The following TBC1D1 variants were observed in gnomAD, a reference collection of about 807,000 sequenced individuals.
TBC1D1 encodes TBC1 (tre-2/USP6, BUB2, cdc16) domain family, member 1.
In TBC1D1, 89 loss-of-function variants were observed where a neutral mutation model predicts 125.6. The ratio of observed to expected loss-of-function variants is 0.71; its 90% CI spans 0.60 to 0.85. TBC1D1 has a LOEUF of 0.85. Ranked by LOEUF, TBC1D1 falls within the 40% of genes least tolerant of loss-of-function variation. TBC1D1 has a pLI of 0.00. For missense variants in TBC1D1, 1,377 were observed against 1,469.2 expected, an observed-to-expected ratio of 0.94 and a Z score of 1.03; for synonymous variants, 565 against 564.1, an observed-to-expected ratio of 1.00 and a Z score of -0.02.
At chr4:38,043,943 A>G (rs747270707) in intron 8 of TBC1D1, among the ~76,000 whole-genome samples, 41 of 152,322 alleles carry the variant, frequency 2.7e-4, no homozygotes, top group Non-Finnish European at 5.7e-4. Flanking sequence ...CGCTGTGTTC[A>G]ATGTTTTACA....
intron 1 of TBC1D1, among the ~76,000 whole-genome samples, chr4:37,893,025 A>C (rs6531595): frequency 0.79 from 120,589 of 152,092 alleles, 48,037 homozygotes; most frequent in East Asian, 0.99. Context: ...CTAGGATGTA[A>C]CCCTGGCAAG....
chr4:37,976,209 G>A (rs1196632605), intron 2 of TBC1D1, among the ~76,000 whole-genome samples: 2 of 152,206 alleles, frequency 1.3e-5, no homozygotes, highest in Admixed American at 6.5e-5. Context: ...GAGTCCAGCA[G>A]CTTGCGAGGA....
chr4:37,918,933 A>T (rs1232149824), intron 2 of TBC1D1, among the ~76,000 whole-genome samples: 2 of 152,194 alleles, frequency 1.3e-5, no homozygotes, highest in Non-Finnish European at 2.9e-5. Flanking sequence ...CATTAGCATA[A>T]TTCAACATAA....
chr4:37,905,650 G>T (rs1717150562), intron 2 of TBC1D1, among the ~76,000 whole-genome samples: 1 of 152,200 alleles, frequency 6.6e-6, no homozygotes, highest in Admixed American at 6.5e-5. Flanking sequence ...ATGATAAACA[G>T]ATGTTATCAT....
At chr4:38,009,641 A>G (rs1233921091) in intron 2 of TBC1D1, among the ~76,000 whole-genome samples, 1 of 152,248 alleles carries the variant, frequency 6.6e-6, no homozygotes, top group African/African-American at 2.4e-5. Context: ...TTATCTGGCT[A>G]CATATGAAAC....
intron 2 of TBC1D1, among the ~76,000 whole-genome samples, chr4:38,004,638 A>T (rs910488913): frequency 6.6e-6 from 1 of 152,128 alleles, no homozygotes; most frequent in Non-Finnish European, 1.5e-5. Context: ...CGATGATAAA[A>T]GTTAGTTGCA....
At chr4:37,955,725 TAC>T (rs765256299) in intron 2 of TBC1D1, among the ~76,000 whole-genome samples, 54 of 152,354 alleles carry the variant, frequency 3.5e-4, no homozygotes, top group Admixed American at 9.1e-4. Flanking sequence ...GACTCTTTTT[TAC>T]AAAAATTTCT....
At chr4:38,062,520 C>T (rs980658228) in intron 12 of TBC1D1, among the ~76,000 whole-genome samples, 1 of 152,014 alleles carries the variant, frequency 6.6e-6, no homozygotes, top group Non-Finnish European at 1.5e-5. Context: ...GAACAAAGAC[C>T]AGGTTCAAGA....
chr4:37,918,928 G>A (rs1236798833), intron 2 of TBC1D1, among the ~76,000 whole-genome samples: 2 of 151,882 alleles, frequency 1.3e-5, no homozygotes, highest in Non-Finnish European at 2.9e-5. Context: ...ATGTTCATTA[G>A]CATAATTCAA....
intron 2 of TBC1D1, among the ~76,000 whole-genome samples, chr4:37,958,778 T>C (rs1729391476): frequency 6.6e-6 from 1 of 152,222 alleles, no homozygotes; most frequent in Admixed American, 6.5e-5. Flanking sequence ...AATGGTATAA[T>C]GAGACAGGAT....
At chr4:38,124,360 G>A (rs1398812900) in intron 17 of TBC1D1, among the ~76,000 whole-genome samples, 1 of 152,180 alleles carries the variant, frequency 6.6e-6, no homozygotes, top group Non-Finnish European at 1.5e-5. Flanking sequence ...GCCACTCTAA[G>A]AACAAAATAT....
At chr4:38,060,964 G>C (rs1182959446) in intron 12 of TBC1D1, among the ~76,000 whole-genome samples, 1 of 152,172 alleles carries the variant, frequency 6.6e-6, no homozygotes, top group Admixed American at 6.5e-5. Flanking sequence ...TGTCTGTCAG[G>C]CTGCCCTGGG....
intron 12 of TBC1D1, among the ~76,000 whole-genome samples, chr4:38,074,057 T>C (rs1250234626): frequency 6.6e-6 from 1 of 152,192 alleles, no homozygotes; most frequent in African/African-American, 2.4e-5. Context: ...TTGCTTCAGC[T>C]TTTTGGCAAA....
At chr4:37,892,521 A>C (rs1713570357) in intron 1 of TBC1D1, among the ~76,000 whole-genome samples, 1 of 152,238 alleles carries the variant, frequency 6.6e-6, no homozygotes, top group Non-Finnish European at 1.5e-5. Context: ...GGTTCAAAGC[A>C]GGAAATAAAA....
At chr4:37,912,225 T>C (rs1051964714) in intron 2 of TBC1D1, among the ~76,000 whole-genome samples, 1 of 152,234 alleles carries the variant, frequency 6.6e-6, no homozygotes, top group Non-Finnish European at 1.5e-5. Flanking sequence ...CGTAGATGTA[T>C]CTTCTGAAAG....
chr4:38,110,373 G>C lies in TBC1D1; in HGVS notation c.2558-5337G>C. ...GTGCAGGTTTAACAAGCCCCCAGATGATCCTAATAGGATTCCTGCCTGAAA... is the reference window on the plus strand; with the variant it reads ...GTGCAGGTTTAACAAGCCCCCAGATCATCCTAATAGGATTCCTGCCTGAAA... On this transcript the variant is annotated intron_variant, in intron 15 of 19. Coordinates refer to ENST00000261439, the MANE Select transcript of TBC1D1 (RefSeq NM_015173.4). 3 of 985,316 alleles carry C rather than the reference G, an allele frequency of 3.0e-6. No individual in the cohort carries two copies. The South Asian group carries it at 1.4e-4, about 46-fold the overall frequency. The allele number at this position is 985,316 out of a possible 1,614,324, so 61.0% of individuals were successfully genotyped here. A position where few individuals can be genotyped will look rare whatever the true frequency, so the allele number is the denominator to read the frequency against.
At position 38,002,966 on chromosome 4, in the gene TBC1D1, C is replaced by T. The variant is rs369760485; in HGVS notation, c.418-11543C>T. ...CCTGAAAACAGGAGATTCCAGTCTA[C>T]CTGAGTCAGCATAGCAAGGAAGTCC... On this transcript the variant is annotated intron_variant, in intron 2 of 19. Transcript: ENST00000261439. Among the ~76,000 whole-genome samples, 14 of 152,316 alleles carry T rather than the reference C, an allele frequency of 9.2e-5. No homozygotes were observed. In the East Asian group the frequency reaches 2.1e-3, roughly 23 times the overall value.
At chr4:37,943,793 G>A (rs534188612) in intron 2 of TBC1D1, among the ~76,000 whole-genome samples, 41 of 152,276 alleles carry the variant, frequency 2.7e-4, no homozygotes, top group African/African-American at 9.6e-4. Flanking sequence ...TCCCCCTTTA[G>A]CTGGGAGAAG....
Position 38,018,357 on chromosome 4 carries a change from G to A in TBC1D1, c.886G>A (p.Gly296Ser), listed in dbSNP as rs1743263334. 2 of 1,606,584 alleles carry A rather than the reference G, an allele frequency of 1.2e-6. No individual in the cohort carries two copies. The highest frequency in any genetic ancestry group is 1.3e-5 in the African/African-American group (1 of 74,496). ...ATTTTTTTGTTTGTCTTTTAAGATT[G>A]GCCAGTCTGAAGTTTACCTCATCAG... Residue 296 changes from glycine to serine, a missense_variant, in exon 4 of 20, where the codon GGC (glycine) becomes AGC (serine). This residue lies in a region of TBC1D1 where 822 missense variants were observed against 824.6 expected (regional missense o/e 1.00). Transcript: ENST00000261439.
Sources: allele counts gnomAD v4.1 joint callset (sites outside exome capture counted in the v4.1 genomes callset), GRCh38; gene constraint gnomAD v4.1.1; regional missense constraint gnomAD v4.1.1; transcripts MANE v1.5; gene names NCBI Gene and HGNC (gene_info 2026-07-23, HGNC 2026-07-21).